The following COL4A2 variants were observed in gnomAD, a reference collection of about 807,000 sequenced individuals.
COL4A2 encodes collagen type IV alpha 2 chain.
COL4A2 carries 99 observed loss-of-function variants against 200.2 expected under a neutral mutation model. The ratio of observed to expected loss-of-function variants is 0.49; its 90% CI spans 0.42 to 0.58. The LOEUF is 0.58. COL4A2 is among the 20% of genes least tolerant of loss of function. The probability of loss-of-function intolerance (pLI) is 0.00; values close to 1 mark genes in which losing one functional copy is unlikely to be tolerated. For missense variants in COL4A2, 1,950 were observed against 2,314.1 expected (o/e 0.84, Z 3.23); for synonymous variants, 897 against 900.6 (o/e 1.00, Z 0.07).
chr13:110,362,109 G>A (rs779269326), intron 4 of COL4A2, among the ~76,000 whole-genome samples: 2 of 152,224 alleles, frequency 1.3e-5, no homozygotes, highest in Admixed American at 1.3e-4. Context: ...CATAGGCAGC[G>A]TGAGAAGAGA....
In COL4A2 at chr13:110,445,679, C is replaced by T. The variant is rs74124341; in HGVS notation, c.958-150C>T. 57 of 1,049,990 alleles carry T rather than the reference C, an allele frequency of 5.4e-5. No individual in the cohort carries two copies. The African/African-American group carries it at 8.1e-4, about 15-fold the overall frequency. 65.0% of individuals were successfully genotyped at this position (1,049,990 alleles called of 1,614,324 possible). A position where few individuals can be genotyped will look rare whatever the true frequency, so the allele number is the denominator to read the frequency against. On this transcript the variant is annotated intron_variant, in intron 16 of 47. Coordinates refer to ENST00000360467, the MANE Select transcript of COL4A2 (RefSeq NM_001846.4). ...CAACCTTAAAAAGACATTTTTGAGA[C>T]CCAAGTCAGGGAAAATTGAGCACAG...
intron 18 of COL4A2, among the ~76,000 whole-genome samples, chr13:110,447,097 G>A (rs1881356551): frequency 6.6e-6 from 1 of 152,196 alleles, no homozygotes; most frequent in Non-Finnish European, 1.5e-5. Flanking sequence ...CTGTGCCTGA[G>A]ACAGTCCTCA....
chr13:110,417,596 T>C (rs1267316032), intron 4 of COL4A2, among the ~76,000 whole-genome samples: 1 of 152,174 alleles, frequency 6.6e-6, no homozygotes, highest in Non-Finnish European at 1.5e-5. Flanking sequence ...CCCAGAAACT[T>C]TCCTTGTGCC....
At chr13:110,470,229 A>G (rs1019768409) in intron 28 of COL4A2, among the ~76,000 whole-genome samples, 1 of 152,104 alleles carries the variant, frequency 6.6e-6, no homozygotes, top group African/African-American at 2.4e-5. Context: ...CACATCTTCA[A>G]TAGTGTTTGT....
chr13:110,482,961 A>G (rs907609020), intron 32 of COL4A2, among the ~76,000 whole-genome samples: 1 of 152,250 alleles, frequency 6.6e-6, no homozygotes, highest in African/African-American at 2.4e-5. Flanking sequence ...ATACCGTGGT[A>G]AACATGAAGA....
At chr13:110,358,385 T>G (rs1877377311) in intron 4 of COL4A2, among the ~76,000 whole-genome samples, 1 of 152,228 alleles carries the variant, frequency 6.6e-6, no homozygotes, top group South Asian at 2.1e-4. Flanking sequence ...GAACAATGCC[T>G]GCTTCTGGAT....
At chr13:110,442,342 A>G (rs555926736) in intron 16 of COL4A2, among the ~76,000 whole-genome samples, 1 of 152,316 alleles carries the variant, frequency 6.6e-6, no homozygotes, top group Non-Finnish European at 1.5e-5. Flanking sequence ...AACTATAGAA[A>G]TGGGAAATAG....
chr13:110,473,961 C>CA (rs10626415), intron 29 of COL4A2, among the ~76,000 whole-genome samples: 55,941 of 146,334 alleles, frequency 0.38, 10,382 homozygotes, highest in Admixed American at 0.44. Context: ...CCCATTTCTA[C>CA]AAAAAAAAAA....
At chr13:110,346,642 G>C (rs1170455922) in intron 3 of COL4A2, among the ~76,000 whole-genome samples, 1 of 152,190 alleles carries the variant, frequency 6.6e-6, no homozygotes, top group African/African-American at 2.4e-5. Context: ...TGTGAAGGCT[G>C]CTTGTCACCT....
intron 18 of COL4A2, among the ~76,000 whole-genome samples, chr13:110,448,273 T>G (rs1881403967): frequency 6.6e-6 from 1 of 152,256 alleles, no homozygotes; most frequent in African/African-American, 2.4e-5. Flanking sequence ...TTTTGCATTT[T>G]TTAAAAATGT....
At position 110,311,464 on chromosome 13, in the gene COL4A2, G is replaced by A. The variant is rs150890217; in HGVS notation, c.99+3341G>A. ...TCTGGTGGGCAGCTGAGGGGCTGCC[G>A]CCTGGGGCGGACATTCGCCAAGCCT... is the stretch of plus-strand genomic sequence containing the variant. On this transcript the variant is annotated intron_variant, in intron 3 of 47. Coordinates refer to ENST00000360467, the MANE Select transcript of COL4A2 (RefSeq NM_001846.4). 2.2e-3 allele frequency among the ~76,000 whole-genome samples: 334 copies of A among 152,304 alleles called. 1 individual carries two copies. Among genetic ancestry groups the A allele is most frequent in the Admixed American group, 3.5e-3 (54 of 15,306 alleles).
intron 4 of COL4A2, among the ~76,000 whole-genome samples, chr13:110,360,215 C>T (rs1488561112): frequency 6.6e-6 from 1 of 152,180 alleles, no homozygotes; most frequent in African/African-American, 2.4e-5. Context: ...CTGTGTGGGA[C>T]GGAGTTCGTG....
intron 24 of COL4A2, among the ~76,000 whole-genome samples, chr13:110,464,400 T>C (rs909635629): frequency 7.9e-5 from 12 of 152,180 alleles, no homozygotes; most frequent in African/African-American, 2.7e-4. Flanking sequence ...GAATGTCAAC[T>C]TCTGCCTTTA....
chr13:110,416,359 A>G (rs1323479711), intron 4 of COL4A2, among the ~76,000 whole-genome samples: 2 of 152,228 alleles, frequency 1.3e-5, no homozygotes, highest in Non-Finnish European at 2.9e-5. Context: ...CTCATCCACA[A>G]TCAGACTCCA....
intron 18 of COL4A2, 112 bp from the exon 19 acceptor site, chr13:110,449,567 G>A (rs933983230): frequency 1.7e-5 from 17 of 987,266 alleles, no homozygotes; most frequent in Non-Finnish European, 2.0e-5. Flanking sequence ...TCATCAGGCC[G>A]CATACAGCAT....
intron 4 of COL4A2, among the ~76,000 whole-genome samples, chr13:110,387,579 C>G (rs1488303040): frequency 3.3e-5 from 5 of 152,246 alleles, no homozygotes; most frequent in Admixed American, 6.5e-5. Flanking sequence ...GTCGGGGGCC[C>G]CGAGCTGGGG....
At chr13:110,472,866 C>G in intron 28 of COL4A2, 63 bp from the exon 29 acceptor site, 2 of 1,488,494 alleles carry the variant, frequency 1.3e-6, no homozygotes, top group Non-Finnish European at 1.8e-6. Context: ...CTCTTTTTGA[C>G]TCTTCTCTTA....
In COL4A2 at chr13:110,503,169, G is replaced by A; in HGVS notation, c.3926G>A (p.Ser1309Asn). Residue 1309 changes from serine to asparagine, a missense_variant, in exon 42 of 48, where the codon AGC becomes AAC. By Grantham distance (46) the Ser-to-Asn change is conservative. Around this residue, in one of 2 missense-constraint regions of COL4A2, gnomAD observed 1,385 missense variants for 1,720.5 expected, o/e 0.80. Coordinates refer to ENST00000360467, the MANE Select transcript of COL4A2 (RefSeq NM_001846.4). Reference protein sequence around the residue: ...GPPGSAALPGSKGDTGNPGAP... With the variant: ...GPPGSAALPGNKGDTGNPGAP... ...CCAGGTTCTGCTGCTCTTCCTGGAA[G>A]CAAAGGTGACACAGGGAACCCAGGA... The A allele has an allele frequency of 6.2e-7, 1 of 1,614,004 alleles. No individual in the cohort carries two copies.
intron 4 of COL4A2, among the ~76,000 whole-genome samples, chr13:110,377,005 C>CA (rs1465859289): frequency 6.6e-6 from 1 of 152,220 alleles, no homozygotes; most frequent in Non-Finnish European, 1.5e-5. Context: ...TTTAGAATGG[C>CA]CAGTGTGGTT....
Sources: gnomAD v4.1 joint callset for allele counts (sites outside exome capture counted in the v4.1 genomes callset) on GRCh38, gnomAD v4.1.1 for gene constraint, gnomAD v4.1.1 regional missense constraint, MANE v1.5 for transcripts, NCBI Gene and HGNC (gene_info 2026-07-23, HGNC 2026-07-21) for gene names.